The following LRRC7 variants were observed in gnomAD, a reference collection of about 807,000 sequenced individuals.
The protein encoded by LRRC7 is leucine rich repeat containing 7.
LRRC7 carries 23 observed loss-of-function variants against 175.7 expected under a neutral mutation model. That is an observed-to-expected ratio of 0.13 (90% CI 0.09 to 0.19). The LOEUF (loss-of-function observed/expected upper bound fraction) is 0.19, where lower values mean the gene tolerates loss of function less well. LRRC7 is among the 10% of genes least tolerant of loss of function. The pLI is 1.00. For synonymous variants in LRRC7, 685 were observed against 680.9 expected, an observed-to-expected ratio of 1.01 and a Z score of -0.09; for missense variants, 1,354 against 1,904.7, an observed-to-expected ratio of 0.71 and a Z score of 5.38.
At chr1:69,706,709 A>C (rs1407801252) in intron 2 of LRRC7, among the ~76,000 whole-genome samples, 3 of 152,184 alleles carry the variant, frequency 2.0e-5, no homozygotes. Flanking sequence ...GGCAGGAAGC[A>C]GGAACACAGC....
intron 11 of LRRC7, among the ~76,000 whole-genome samples, chr1:70,008,242 T>C (rs996857011): frequency 3.9e-5 from 6 of 152,120 alleles, no homozygotes; most frequent in African/African-American, 1.4e-4. Flanking sequence ...TGCTTTACAT[T>C]CACTGGAAGC....
intron 8 of LRRC7, among the ~76,000 whole-genome samples, chr1:69,947,149 A>AAATAAATAAATC (rs1553179540): frequency 1.3e-5 from 2 of 150,518 alleles, no homozygotes; most frequent in African/African-American, 2.5e-5. Context: ...ATAAATAAAT[A>AAATAAATAAATC]AATCTAAAGT....
At chr1:69,697,752 G>A (rs1023508224) in intron 2 of LRRC7, among the ~76,000 whole-genome samples, 2 of 152,172 alleles carry the variant, frequency 1.3e-5, no homozygotes, top group Admixed American at 1.3e-4. Context: ...AATGTCTCCA[G>A]GTGTTATTTG....
chr1:69,594,977 G>A (rs1416541053), intron 1 of LRRC7, among the ~76,000 whole-genome samples: 2 of 151,808 alleles, frequency 1.3e-5, no homozygotes, highest in African/African-American at 4.8e-5. Context: ...CATAGAAGAT[G>A]ACATTACTAT....
intron 8 of LRRC7, among the ~76,000 whole-genome samples, chr1:69,963,789 C>G (rs1209018865): frequency 6.6e-6 from 1 of 152,112 alleles, no homozygotes; most frequent in Non-Finnish European, 1.5e-5. Flanking sequence ...ACCTGAATTG[C>G]TTCTTTTGTC....
At chr1:69,944,509 T>C (rs1649094090) in intron 8 of LRRC7, among the ~76,000 whole-genome samples, 1 of 152,134 alleles carries the variant, frequency 6.6e-6, no homozygotes, top group Non-Finnish European at 1.5e-5. Flanking sequence ...TTCAGTTCTT[T>C]TGGATAAGTA....
chr1:70,074,161 C>T (rs1182786371), intron 23 of LRRC7, among the ~76,000 whole-genome samples: 1 of 150,390 alleles, frequency 6.6e-6, no homozygotes, highest in African/African-American at 2.5e-5. Context: ...AAGATCGTGC[C>T]ACTGCACTCC....
chr1:69,841,648 T>C (rs574567562), intron 7 of LRRC7, among the ~76,000 whole-genome samples: 1 of 152,274 alleles, frequency 6.6e-6, no homozygotes, highest in South Asian at 2.1e-4. Context: ...CCGCTCTCTA[T>C]ATGATTTTGA....
intron 4 of LRRC7, among the ~76,000 whole-genome samples, chr1:69,810,063 C>G (rs1183906901): frequency 6.6e-6 from 1 of 152,200 alleles, no homozygotes; most frequent in Admixed American, 6.5e-5. Flanking sequence ...TTACAAGCAA[C>G]TTCAGCAAAG....
chr1:69,712,373 T>G (rs1020426697), intron 2 of LRRC7, among the ~76,000 whole-genome samples: 3 of 151,950 alleles, frequency 2.0e-5, no homozygotes. Context: ...GGAGGCCGAG[T>G]CAGGCAGATC....
chr1:69,719,214 T>A (rs1557645180), intron 2 of LRRC7, among the ~76,000 whole-genome samples: 1 of 151,722 alleles, frequency 6.6e-6, no homozygotes, highest in Non-Finnish European at 1.5e-5. Flanking sequence ...AAAAGTAATT[T>A]CCCACATTAG....
intron 23 of LRRC7, among the ~76,000 whole-genome samples, chr1:70,054,714 C>G (rs925869972): frequency 6.6e-5 from 10 of 151,446 alleles, no homozygotes; most frequent in Non-Finnish European, 2.9e-5. Context: ...ATTCTCCTGC[C>G]TCAGCCTCCC....
chr1:69,687,520 C>CAAAAAAAAAA (rs551726376), intron 2 of LRRC7, among the ~76,000 whole-genome samples: 79 of 96,850 alleles, frequency 8.2e-4, no homozygotes, highest in African/African-American at 9.7e-4. Flanking sequence ...AAGAAAAAAC[C>CAAAAAAAAAA]AAAAAAAAAA....
chr1:69,961,021 AG>A (rs1651021043), intron 8 of LRRC7, among the ~76,000 whole-genome samples: 1 of 152,190 alleles, frequency 6.6e-6, no homozygotes, highest in Non-Finnish European at 1.5e-5. Context: ...GCATTCAAAT[AG>A]GAGGGGAGGA....
intron 1 of LRRC7, among the ~76,000 whole-genome samples, chr1:69,640,986 A>G (rs1654116239): frequency 6.6e-6 from 1 of 151,736 alleles, no homozygotes; most frequent in South Asian, 2.1e-4. Context: ...TCAGGAAACA[A>G]AAAAGTTCAG....
chr1:69,684,682 C>G (rs1358030774), intron 2 of LRRC7, among the ~76,000 whole-genome samples: 1 of 152,066 alleles, frequency 6.6e-6, no homozygotes, highest in East Asian at 1.9e-4. Flanking sequence ...ATCTCCTATA[C>G]ATCCCTGGAC....
At chr1:69,789,748 C>T (rs1030879249) in intron 3 of LRRC7, among the ~76,000 whole-genome samples, 3 of 152,022 alleles carry the variant, frequency 2.0e-5, no homozygotes, top group Non-Finnish European at 4.4e-5. Flanking sequence ...GTACCAGTCA[C>T]TTTTGTGTAT....
intron 4 of LRRC7, 95 bp downstream of exon 4, chr1:69,792,255 T>C (rs549280246): frequency 5.2e-6 from 4 of 763,420 alleles, no homozygotes; most frequent in African/African-American, 1.8e-5. Flanking sequence ...AATAACTTTT[T>C]CTTTGATTTT....
intron 3 of LRRC7, among the ~76,000 whole-genome samples, chr1:69,762,663 A>G (rs1671164052): frequency 6.6e-6 from 1 of 152,056 alleles, no homozygotes; most frequent in Admixed American, 6.6e-5. Context: ...GGCTTAATGC[A>G]TTGATAAGAT....
Sources: gnomAD v4.1 joint callset for allele counts (sites outside exome capture counted in the v4.1 genomes callset) on GRCh38, gnomAD v4.1.1 for gene constraint, MANE v1.5 for transcripts, NCBI Gene and HGNC (gene_info 2026-07-23, HGNC 2026-07-21) for gene names.